The following SLC8A1 variants were observed in gnomAD, a reference collection of about 807,000 sequenced individuals.
The protein encoded by SLC8A1 is solute carrier family 8 member A1.
SLC8A1 carries 18 observed loss-of-function variants against 68.3 expected under a neutral mutation model. That is an observed-to-expected ratio of 0.26 (90% CI 0.18 to 0.39). SLC8A1 has a LOEUF of 0.39. Ranked by LOEUF, SLC8A1 falls within the 10% of genes least tolerant of loss-of-function variation. The pLI is 1.00. For synonymous variants in SLC8A1, 475 were observed against 415.5 expected (o/e 1.14, Z -1.74); for missense variants, 985 against 1,156.7 (o/e 0.85, Z 2.15).
intron 2 of SLC8A1, among the ~76,000 whole-genome samples, chr2:40,407,351 C>G (rs541801378): frequency 5.3e-4 from 81 of 152,316 alleles, no homozygotes; most frequent in African/African-American, 1.8e-3. Context: ...CAGGCATAAG[C>G]CACCACACCT....
At chr2:40,310,236 T>G (rs1575281662) in intron 2 of SLC8A1, among the ~76,000 whole-genome samples, 2 of 152,212 alleles carry the variant, frequency 1.3e-5, no homozygotes, top group Non-Finnish European at 2.9e-5. Flanking sequence ...TCCAGTCTTA[T>G]GACGAGCCTT....
intron 6 of SLC8A1, among the ~76,000 whole-genome samples, chr2:40,154,931 ACTTTTGCTCATGAGACTAGCATCCTT>A: frequency 6.6e-6 from 1 of 152,114 alleles, no homozygotes; most frequent in Non-Finnish European, 1.5e-5. Context: ...AGTTCTACCT[ACTTTTGCTCATGAGACTAGCATCCTT>A]CTTCATGAAC....
At chr2:40,280,587 G>C (rs916518012) in intron 2 of SLC8A1, among the ~76,000 whole-genome samples, 3 of 152,202 alleles carry the variant, frequency 2.0e-5, no homozygotes, top group East Asian at 1.9e-4. Flanking sequence ...TGAAAGCAGA[G>C]TGACATTCAG....
rs568206941 is a variant in SLC8A1 at position 40,175,697 on chromosome 2, G to A, written c.1913-855C>T. ...CTCATTAAATATTGCCTCGGATTTG[G>A]TCAATCCAACATATGGAAGTCTTAA... On this transcript the variant is annotated intron_variant, in intron 3 of 7. Coordinates refer to ENST00000406785, the Ensembl canonical transcript of SLC8A1. Among the ~76,000 whole-genome samples the A allele has an allele frequency of 3.9e-5, 6 of 152,090 alleles. No homozygotes were observed. The South Asian group carries it at 1.2e-3, about 32-fold the overall frequency.
intron 4 of SLC8A1, among the ~76,000 whole-genome samples, 167 bp from the exon 8 acceptor site, chr2:40,165,151 G>A (rs1179804135): frequency 2.6e-5 from 4 of 152,306 alleles, no homozygotes; most frequent in Middle Eastern, 3.4e-3. Flanking sequence ...CACTTGGCAT[G>A]TAAGGCAGCA....
At chr2:40,266,475 G>C (rs980433649) in intron 2 of SLC8A1, among the ~76,000 whole-genome samples, 1 of 152,176 alleles carries the variant, frequency 6.6e-6, no homozygotes, top group African/African-American at 2.4e-5. Flanking sequence ...AGGAGATAGA[G>C]TAGAGACTAT....
intron 2 of SLC8A1, among the ~76,000 whole-genome samples, chr2:40,315,498 T>C (rs1338309558): frequency 1.3e-5 from 2 of 151,326 alleles, no homozygotes; most frequent in Admixed American, 1.3e-4. Context: ...CTTTTGTATC[T>C]ATATTTGCTA....
chr2:40,451,429 T>C (rs1387006688), intron 1 of SLC8A1, among the ~76,000 whole-genome samples: 1 of 152,028 alleles, frequency 6.6e-6, no homozygotes, highest in Non-Finnish European at 1.5e-5. Context: ...GGCTCGGAAA[T>C]GTGGCCTTGG....
At chr2:40,216,345 C>T (rs1271349057) in intron 2 of SLC8A1, among the ~76,000 whole-genome samples, 3 of 152,102 alleles carry the variant, frequency 2.0e-5, no homozygotes, top group Non-Finnish European at 2.9e-5. Flanking sequence ...TCATTCTTTT[C>T]ATGGTTGCAG....
intron 1 of SLC8A1, among the ~76,000 whole-genome samples, chr2:40,473,887 T>C (rs1704133229): frequency 1.3e-5 from 2 of 152,226 alleles, no homozygotes; most frequent in Non-Finnish European, 2.9e-5. Flanking sequence ...CTTTGAAAAA[T>C]AGATTTAGTG....
intron 1 of SLC8A1, among the ~76,000 whole-genome samples, chr2:40,446,082 G>A (rs1701392386): frequency 1.3e-5 from 2 of 152,292 alleles, no homozygotes; most frequent in East Asian, 1.9e-4. Context: ...AGTTCCAGAA[G>A]CTCAACTGTA....
chr2:40,447,955 A>G (rs1312947094), intron 1 of SLC8A1, among the ~76,000 whole-genome samples: 1 of 152,140 alleles, frequency 6.6e-6, no homozygotes, highest in Non-Finnish European at 1.5e-5. Flanking sequence ...ATTCACTTAA[A>G]CTTTTGTCTT....
At chr2:40,466,630 A>T (rs1217832082) in intron 1 of SLC8A1, among the ~76,000 whole-genome samples, 1 of 152,162 alleles carries the variant, frequency 6.6e-6, no homozygotes, top group Non-Finnish European at 1.5e-5. Flanking sequence ...TAGTGCAATA[A>T]GGATAAAGTG....
intron 2 of SLC8A1, among the ~76,000 whole-genome samples, chr2:40,263,388 T>G (rs2064955921): frequency 6.6e-6 from 1 of 152,184 alleles, no homozygotes; most frequent in African/African-American, 2.4e-5. Flanking sequence ...AGAGCCCACA[T>G]TGCCAAGTCA....
intron 2 of SLC8A1, among the ~76,000 whole-genome samples, chr2:40,344,235 C>T (rs570806052): frequency 8.5e-5 from 13 of 152,270 alleles, no homozygotes; most frequent in African/African-American, 3.1e-4. Flanking sequence ...AAGTTAACTC[C>T]TTTCTCCTGA....
intron 1 of SLC8A1, among the ~76,000 whole-genome samples, chr2:40,491,905 A>C (rs1005587560): frequency 6.6e-6 from 1 of 152,192 alleles, no homozygotes; most frequent in African/African-American, 2.4e-5. Flanking sequence ...ATATCATGAA[A>C]ATGGCCATAC....
chr2:40,224,088 C>T (rs569661222), intron 2 of SLC8A1, among the ~76,000 whole-genome samples: 12 of 152,222 alleles, frequency 7.9e-5, no homozygotes, highest in Middle Eastern at 3.4e-3. Flanking sequence ...ATGTTCGCTT[C>T]GTAGGGACTC....
In SLC8A1 at chr2:40,158,682, C is replaced by T. The variant is rs546364976; in HGVS notation, c.2161+2083G>A. On this transcript the variant is annotated intron_variant, in intron 6 of 7. Coordinates refer to ENST00000406785, the Ensembl canonical transcript of SLC8A1. The stretch of plus-strand genomic sequence containing the variant: ...ATTTTCCTCATTTTGAAATTTCCTT[C>T]TTCTAAAGGGCAGTAGATAGCACAC... Among the ~76,000 whole-genome samples the T allele has an allele frequency of 3.2e-3, 487 of 152,210 alleles. 1 individual carries two copies. The highest frequency in any genetic ancestry group is 6.8e-3 in the South Asian group (33 of 4,822).
At chr2:40,144,800 T>A (rs1424766619) in intron 6 of SLC8A1, among the ~76,000 whole-genome samples, 1 of 152,154 alleles carries the variant, frequency 6.6e-6, no homozygotes, top group East Asian at 1.9e-4. Flanking sequence ...TAAACATTTG[T>A]TTAAAATTTT....
Sources: allele counts gnomAD v4.1 joint callset (sites outside exome capture counted in the v4.1 genomes callset), GRCh38; gene constraint gnomAD v4.1.1; transcripts MANE v1.5; gene names NCBI Gene and HGNC (gene_info 2026-07-23, HGNC 2026-07-21).